Variants in GUCY2C observed in about 807,000 individuals in gnomAD.
GUCY2C encodes guanylate cyclase 2C, also known as guanylyl cyclase C.
GUCY2C carries 118 observed loss-of-function variants against 131.1 expected under a neutral mutation model. That is an observed-to-expected ratio of 0.90 (90% CI 0.78 to 1.05). GUCY2C has a LOEUF of 1.05. Among genes scored for constraint, GUCY2C ranks in the 50% least tolerant of loss-of-function variants. The pLI is 0.00. For synonymous variants in GUCY2C, 452 were observed against 457.8 expected (o/e 0.99, Z 0.16); for missense variants, 1,161 against 1,304.4 (o/e 0.89, Z 1.69).
intron 11 of GUCY2C, 84 bp from the exon 12 acceptor site, chr12:14,656,701 C>A: frequency 1.4e-6 from 1 of 698,976 alleles, no homozygotes. Context: ...AGTTTAGAAC[C>A]CTGGTATGCT....
At chr12:14,647,337 T>A (rs534551525) in intron 15 of GUCY2C, among the ~76,000 whole-genome samples, 10 of 152,182 alleles carry the variant, frequency 6.6e-5, no homozygotes, top group African/African-American at 2.2e-4. Context: ...TGTGTATGTA[T>A]ATGTTTTTCC....
At position 14,688,039 on chromosome 12, in the gene GUCY2C, G is replaced by A; in HGVS notation, c.242C>T (p.Thr81Ile). 6.2e-7 allele frequency: 1 copy of A among 1,613,340 alleles called. No homozygotes were observed. The highest frequency in any genetic ancestry group is 8.5e-7 in the Non-Finnish European group (1 of 1,179,262). ...NAGLNVTVNATFMYSDGLIHN... is the reference protein window; with the variant it reads ...NAGLNVTVNAIFMYSDGLIHN... Reference sequence around the variant, plus strand: ...AATCAGACCATCCGAATACATGAAAGTAGCGTTCACAGTCACATTTAGGCC... The same window carrying A: ...AATCAGACCATCCGAATACATGAAAATAGCGTTCACAGTCACATTTAGGCC... Residue 81 changes from threonine to isoleucine, a missense_variant, in exon 2 of 27, where the codon ACT becomes ATT. Transcript: ENST00000261170.
chr12:14,621,055 A>T lies in GUCY2C; in HGVS notation c.2763T>A (p.Ile921=). Residue 921 remains isoleucine (I), a synonymous_variant, in exon 23 of 27, where the codon ATT becomes ATA. Transcript: ENST00000261170. ...HLPGLPIWIR[I]GVHSGPCAAG... is the part of the protein sequence containing the mutation. ...TCAACTCCATACCAGAGTGAACTCC[A>T]ATGCGAATCCATATTGGGAGGCCAG... 2 of 1,613,878 alleles carry T rather than the reference A, an allele frequency of 1.2e-6. No homozygotes were observed. The highest frequency in any genetic ancestry group is 1.7e-6 in the Non-Finnish European group (2 of 1,179,868).
chr12:14,643,775 A>G, intron 16 of GUCY2C, 69 bp from the exon 17 acceptor site: 1 of 1,438,040 alleles, frequency 7.0e-7, no homozygotes, highest in Non-Finnish European at 9.6e-7. Flanking sequence ...TTTTAAAGAA[A>G]AAAGTGACAT....
intron 26 of GUCY2C, 62 bp downstream of exon 26, chr12:14,614,805 T>C: frequency 2.0e-6 from 2 of 984,760 alleles, no homozygotes; most frequent in Non-Finnish European, 3.1e-6. Context: ...TTAAATTGGC[T>C]GTAACTAACA....
At chr12:14,626,097 T>G (rs1947008448) in intron 20 of GUCY2C, among the ~76,000 whole-genome samples, 182 bp from the exon 21 acceptor site, 1 of 152,192 alleles carries the variant, frequency 6.6e-6, no homozygotes, top group South Asian at 2.1e-4. Context: ...CCCAGAACTT[T>G]GGGAGTCCGA....
chr12:14,614,640 G>T (rs1213787380), intron 26 of GUCY2C: 3 of 472,660 alleles, frequency 6.3e-6, no homozygotes, highest in African/African-American at 2.1e-5. Flanking sequence ...GGAAGCCAAG[G>T]CTAAATACTT....
At chr12:14,681,604 T>G (rs1948350116) in intron 4 of GUCY2C, 127 bp from the exon 5 acceptor site, 1 of 728,398 alleles carries the variant, frequency 1.4e-6, no homozygotes, top group African/African-American at 1.7e-5. Flanking sequence ...ATTAACACAA[T>G]AGACAGCACA....
In GUCY2C at chr12:14,665,157, A is replaced by G. The variant is rs554393663; in HGVS notation, c.1283-4095T>C. On this transcript the variant is annotated intron_variant, in intron 10 of 26. Transcript: ENST00000261170. ...CTTGAACCTGGGAGGCGGAAGTTGCAGTGAGCCGAGATTGGGCCACTGCAC... is the reference window on the plus strand; with the variant it reads ...CTTGAACCTGGGAGGCGGAAGTTGCGGTGAGCCGAGATTGGGCCACTGCAC... Among the ~76,000 whole-genome samples the G allele has an allele frequency of 9.4e-5, 14 of 149,312 alleles. No homozygotes were observed. In the South Asian group the frequency reaches 3.0e-3, roughly 32 times the overall value.
chr12:14,628,435 AC>A, intron 20 of GUCY2C, among the ~76,000 whole-genome samples: 1 of 152,186 alleles, frequency 6.6e-6, no homozygotes, highest in South Asian at 2.1e-4. Flanking sequence ...AAAAGTTTTG[AC>A]CTTGAGTATG....
chr12:14,625,942 C>T, intron 20 of GUCY2C, 27 bp from the exon 21 acceptor site: 1 of 1,362,550 alleles, frequency 7.3e-7, no homozygotes, highest in Non-Finnish European at 1.0e-6. Flanking sequence ...ATAAAGAGCT[C>T]TTATATATTA....
At chr12:14,690,666 T>G (rs1168833989) in intron 1 of GUCY2C, among the ~76,000 whole-genome samples, 2 of 152,108 alleles carry the variant, frequency 1.3e-5, no homozygotes, top group Admixed American at 1.3e-4. Context: ...CTCAGCCTCC[T>G]GAGTAGCTGG....
At position 14,651,433 on chromosome 12, in the gene GUCY2C, C is replaced by A. The variant is rs1565619515; in HGVS notation, c.1684G>T (p.Glu562Ter). Residue 562 changes from glutamate (E) to a stop codon, truncating the protein, a stop_gained, in exon 15 of 27, where the codon GAA becomes TAA. Transcript: ENST00000261170. LOFTEE classifies it high-confidence loss of function. ...KLDTMIFGVI[E>*]YCERGSLREV... ...CGGAGGGATCCTCTCTCACAGTATT[C>A]TATCACCCCGAAGATCATGGTATCA... The A allele has an allele frequency of 1.3e-6, 2 of 1,592,630 alleles. No homozygotes were observed. Among genetic ancestry groups the A allele is most frequent in the South Asian group, 2.2e-5 (2 of 90,612 alleles).
chr12:14,640,197 T>A (rs1004866747), intron 18 of GUCY2C, among the ~76,000 whole-genome samples: 2 of 152,016 alleles, frequency 1.3e-5, no homozygotes, highest in South Asian at 2.1e-4. Context: ...GCACAGTGCC[T>A]CAAAGCTGTA....
chr12:14,621,102 TC>T lies in GUCY2C; in HGVS notation c.2715del (p.Thr906ProfsTer55). The T allele has an allele frequency of 6.2e-7, 1 of 1,613,836 alleles. No individual in the cohort carries two copies. Among genetic ancestry groups the T allele is most frequent in the Non-Finnish European group, 8.5e-7 (1 of 1,179,842 alleles). ...KMALEILSFM[G>X]TFELEHLPGL... ...CCAGGAAGATGCTCCAGCTCAAAGG[TC>T]CCCATGAAGCTGAGGATTTCCAAGG... On this transcript the variant is annotated frameshift_variant, in exon 23 of 27. Transcript: ENST00000261170. LOFTEE classifies it high-confidence loss of function.
chr12:14,690,223 A>T (rs1442267203), intron 1 of GUCY2C, among the ~76,000 whole-genome samples: 1 of 152,232 alleles, frequency 6.6e-6, no homozygotes, highest in Non-Finnish European at 1.5e-5. Context: ...TCTCTTCAAA[A>T]TATCTGTTTG....
chr12:14,641,232 A>G lies in GUCY2C; in HGVS notation c.1931-13T>C, dbSNP rs759281362. 32 of 1,612,092 alleles carry G rather than the reference A, an allele frequency of 2.0e-5. No homozygotes were observed. Among genetic ancestry groups the G allele is most frequent in the South Asian group, 4.4e-5 (4 of 91,012 alleles). On this transcript the variant is annotated splice_polypyrimidine_tract_variant and intron_variant, in intron 17 of 26. Transcript: ENST00000261170. Reference sequence around the variant, plus strand: ...GCTGTCCACAGGTCTGTAAATGTAGACATTGAGATTACAAAGTTGAGGGGG... The same window carrying G: ...GCTGTCCACAGGTCTGTAAATGTAGGCATTGAGATTACAAAGTTGAGGGGG...
At chr12:14,642,143 T>G (rs1402482364) in intron 17 of GUCY2C, among the ~76,000 whole-genome samples, 2 of 152,108 alleles carry the variant, frequency 1.3e-5, no homozygotes, top group Admixed American at 1.3e-4. Flanking sequence ...CAGTGGTGTT[T>G]TTGCTGGTTC....
At chr12:14,659,057 T>TG (rs950127000) in intron 11 of GUCY2C, among the ~76,000 whole-genome samples, 1 of 151,904 alleles carries the variant, frequency 6.6e-6, no homozygotes, top group Admixed American at 6.6e-5. Flanking sequence ...TTTCTTTTTT[T>TG]TTTTTTGAGA....
Sources: gnomAD v4.1 joint callset for allele counts (sites outside exome capture counted in the v4.1 genomes callset) on GRCh38, gnomAD v4.1.1 for gene constraint, MANE v1.5 for transcripts, NCBI Gene and HGNC (gene_info 2026-07-23, HGNC 2026-07-21) for gene names.